ZNF536: variants seen among roughly 807,000 people sequenced by gnomAD.
ZNF536 encodes zinc finger protein 536.
ZNF536 carries 13 observed loss-of-function variants against 84.5 expected under a neutral mutation model. The ratio of observed to expected loss-of-function variants is 0.15; its 90% CI spans 0.10 to 0.24. The LOEUF is 0.24. ZNF536 is among the 10% of genes least tolerant of loss of function. ZNF536 has a pLI of 1.00. For missense variants in ZNF536, 1,536 were observed against 1,747.5 expected (o/e 0.88, Z 2.16); for synonymous variants, 811 against 742.5 (o/e 1.09, Z -1.50).
chr19:30,522,391 G>A (rs1393693335), intron 2 of ZNF536, among the ~76,000 whole-genome samples: 1 of 150,846 alleles, frequency 6.6e-6, no homozygotes, highest in African/African-American at 2.4e-5. Context: ...GCTGATCCAA[G>A]GATTGCGTTC....
At chr19:30,404,193 C>G (rs984455054) in intron 1 of ZNF536, among the ~76,000 whole-genome samples, 2 of 152,218 alleles carry the variant, frequency 1.3e-5, no homozygotes, top group African/African-American at 4.8e-5. Context: ...GTGCTCAGAC[C>G]TGGGTTGGGC....
At chr19:30,553,096 A>T (rs564705145) in intron 4 of ZNF536, among the ~76,000 whole-genome samples, 1 of 152,368 alleles carries the variant, frequency 6.6e-6, no homozygotes, top group South Asian at 2.1e-4. Flanking sequence ...AGGGTACTCC[A>T]GTGCCATCGG....
rs575955974 is a variant in ZNF536, at chr19:30,705,343, A to G, written c.170-5414A>G. 2.2e-3 allele frequency among the ~76,000 whole-genome samples: 317 copies of G among 144,536 alleles called. 3 individuals are homozygous for G. Among genetic ancestry groups the G allele is most frequent in the African/African-American group, 7.6e-3 (303 of 39,788 alleles). The allele number at this position is 144,536 out of a possible 152,430, so 94.8% of individuals were successfully genotyped here. A position where few individuals can be genotyped will look rare whatever the true frequency, so the allele number is the denominator to read the frequency against. On this transcript the variant is annotated intron_variant, in intron 1 of 1. Coordinates refer to the ZNF536 transcript ENST00000592773. Reference sequence around the variant, plus strand: ...TGTGTGTGTGTGTGTGTGTCTATAAACAATATTATGGATATAGAATAAAAC... The same window carrying G: ...TGTGTGTGTGTGTGTGTGTCTATAAGCAATATTATGGATATAGAATAAAAC...
chr19:30,240,974 A>G (rs889164221), intron 1 of ZNF536, among the ~76,000 whole-genome samples: 2 of 152,182 alleles, frequency 1.3e-5, no homozygotes, highest in African/African-American at 4.8e-5. Flanking sequence ...ACCGATTCAT[A>G]TCTGGGCTCT....
chr19:30,599,017 TCCTC>T lies in ZNF536; in HGVS notation c.169+49519_169+49522del, dbSNP rs1348935427. Among the ~76,000 whole-genome samples the T allele has an allele frequency of 4.6e-4, 38 of 83,266 alleles. No individual in the cohort carries two copies. In the South Asian group the frequency reaches 5.6e-3, roughly 12 times the overall value. The allele number at this position is 83,266 out of a possible 152,430, so 54.6% of individuals were successfully genotyped here. ...CCTCCCTTCCTCCTTCCCTCTTCCT[TCCTC>T]CCTCCCTCCCTCCCTTCCTTCCCTC... On this transcript the variant is annotated intron_variant, in intron 1 of 1. Coordinates refer to the ZNF536 transcript ENST00000592773.
At chr19:30,455,382 A>G (rs1367556724) in intron 2 of ZNF536, among the ~76,000 whole-genome samples, 2 of 152,314 alleles carry the variant, frequency 1.3e-5, no homozygotes, top group East Asian at 1.9e-4. Flanking sequence ...AGATCGAATC[A>G]GGGTAATTGG....
intron 2 of ZNF536, among the ~76,000 whole-genome samples, chr19:30,470,485 T>TC (rs891409944): frequency 2.7e-5 from 4 of 145,738 alleles, no homozygotes; most frequent in African/African-American, 1.1e-4. Flanking sequence ...TTTTTTTTTT[T>TC]AATTAATAAA....
intron 1 of ZNF536, among the ~76,000 whole-genome samples, chr19:30,696,547 G>A (rs1286329326): frequency 6.6e-6 from 1 of 152,240 alleles, no homozygotes; most frequent in African/African-American, 2.4e-5. Context: ...GCTGTTGAGT[G>A]CACACTGGCA....
chr19:30,472,332 G>A (rs1396134268), intron 2 of ZNF536, among the ~76,000 whole-genome samples: 1 of 152,204 alleles, frequency 6.6e-6, no homozygotes, highest in African/African-American at 2.4e-5. Context: ...GTGGCGGCAG[G>A]TCGGATCTGT....
chr19:30,328,219 C>T (rs2047098803), intron 2 of ZNF536, among the ~76,000 whole-genome samples: 1 of 152,148 alleles, frequency 6.6e-6, no homozygotes, highest in South Asian at 2.1e-4. Context: ...TGCCCAGCTC[C>T]AGTGACCATG....
At chr19:30,539,119 C>T (rs188738826) in intron 3 of ZNF536, among the ~76,000 whole-genome samples, 40 of 136,864 alleles carry the variant, frequency 2.9e-4, no homozygotes, top group African/African-American at 1.2e-3. Context: ...GAGATATGCA[C>T]CCCCCCCACA....
chr19:30,309,219 C>G (rs2046426751), intron 2 of ZNF536, among the ~76,000 whole-genome samples: 1 of 152,184 alleles, frequency 6.6e-6, no homozygotes, highest in South Asian at 2.1e-4. Context: ...TCTGGTTGCT[C>G]TCTGAATGGT....
At chr19:30,464,944 C>A (rs1440066265) in intron 2 of ZNF536, among the ~76,000 whole-genome samples, 1 of 152,092 alleles carries the variant, frequency 6.6e-6, no homozygotes, top group African/African-American at 2.4e-5. Context: ...CCAAGGGATG[C>A]AGCACTCTGG....
chr19:30,298,843 A>G (rs1272832382), intron 2 of ZNF536, among the ~76,000 whole-genome samples: 2 of 152,218 alleles, frequency 1.3e-5, no homozygotes, highest in Middle Eastern at 3.2e-3. Flanking sequence ...CTTCTTACTT[A>G]CTTCTCAGCT....
intron 1 of ZNF536, among the ~76,000 whole-genome samples, chr19:30,630,536 A>T (rs2048851398): frequency 6.6e-6 from 1 of 152,202 alleles, no homozygotes; most frequent in Non-Finnish European, 1.5e-5. Context: ...CCGGGCAGGA[A>T]CAAGAGCAGG....
At position 30,446,271 on chromosome 19, in the gene ZNF536, A is replaced by AAAAAAAAAAAG. The variant is rs1555767559; in HGVS notation, c.2170+542_2170+543insAAAAAAAGAAA. Among the ~76,000 whole-genome samples, 6 of 147,236 alleles carry AAAAAAAAAAAG rather than the reference A, an allele frequency of 4.1e-5. No individual in the cohort carries two copies. In the East Asian group the frequency reaches 9.8e-4, roughly 24 times the overall value. On this transcript the variant is annotated intron_variant, in intron 2 of 4. Transcript: ENST00000355537. The stretch of plus-strand genomic sequence containing the variant: ...CTCAAAAAAAAAAAAAAAAAAAAAA[A>AAAAAAAAAAAG]AAAGAAAGAAAGAAAGAAAGAAAAA...
Position 30,547,904 on chromosome 19 carries a change from A to G in ZNF536, c.2324-39A>G, listed in dbSNP as rs199768205. 246 of 1,511,896 alleles carry G rather than the reference A, an allele frequency of 1.6e-4. No homozygotes were observed. In the East Asian group the frequency reaches 4.4e-3, roughly 27 times the overall value. The allele number at this position is 1,511,896 out of a possible 1,614,324, so 93.7% of individuals were successfully genotyped here. On this transcript the variant is annotated intron_variant, in intron 3 of 4. Coordinates refer to ENST00000355537, the MANE Select transcript of ZNF536 (RefSeq NM_014717.3). Reference sequence around the variant, plus strand: ...GCCTCGTTCAGCACACCAAAATGAGATAAACGCCTCTTTTTTTTCTTATAT... The same window carrying G: ...GCCTCGTTCAGCACACCAAAATGAGGTAAACGCCTCTTTTTTTTCTTATAT...
chr19:30,471,908 AT>A lies in ZNF536; in HGVS notation c.2170+26186del, dbSNP rs144169871. Among the ~76,000 whole-genome samples, 549 of 150,450 alleles carry A rather than the reference AT, an allele frequency of 3.6e-3. 3 individuals are homozygous for A. Among genetic ancestry groups the A allele is most frequent in the African/African-American group, 0.013 (521 of 41,146 alleles). ...TCTTTTTCTCAGTGCTCAAAGCAGC[AT>A]TTTTTTTTTCTGGAACACCTTAGAA... On this transcript the variant is annotated intron_variant, in intron 2 of 4. Transcript: ENST00000355537.
chr19:30,522,407 A>T (rs2044398642), intron 2 of ZNF536, among the ~76,000 whole-genome samples: 1 of 151,204 alleles, frequency 6.6e-6, no homozygotes, highest in African/African-American at 2.4e-5. Context: ...CGTTCATCTG[A>T]TATGTTCTCA....
Sources: gnomAD v4.1 joint callset for allele counts (sites outside exome capture counted in the v4.1 genomes callset) on GRCh38, gnomAD v4.1.1 for gene constraint, MANE v1.5 for transcripts, NCBI Gene and HGNC (gene_info 2026-07-23, HGNC 2026-07-21) for gene names.